The following MARCHF3 variants were observed in gnomAD, a reference collection of about 807,000 sequenced individuals.
MARCHF3 encodes membrane associated ring-CH-type finger 3, also known as E3 ubiquitin-protein ligase MARCHF3.
A neutral mutation model predicts 24.2 loss-of-function variants in MARCHF3; 13 were observed. The observed-to-expected ratio is 0.54, with a 90% CI of 0.35 to 0.85. The LOEUF (loss-of-function observed/expected upper bound fraction) is 0.85. Among genes scored for constraint, MARCHF3 ranks in the 40% least tolerant of loss-of-function variants. MARCHF3 has a pLI of 0.01. For synonymous variants in MARCHF3, 144 were observed against 137.3 expected (o/e 1.05, Z -0.34); for missense variants, 276 against 325.0 (o/e 0.85, Z 1.16).
chr5:126,956,705 C>T (rs1321474508), intron 1 of MARCHF3, among the ~76,000 whole-genome samples: 1 of 93,334 alleles, frequency 1.1e-5, no homozygotes, highest in African/African-American at 4.1e-5. Flanking sequence ...AAAAAACAAA[C>T]AATAACAAAA....
chr5:126,869,185 C>T lies in MARCHF3; in HGVS notation c.*1448G>A, dbSNP rs1752875052. The stretch of plus-strand genomic sequence containing the variant: ...CCTCCTCGCTGCCTGTTCCTTTGCA[C>T]TTCTCGTTTTCCCACTTGGAACACA... On this transcript the variant is annotated 3_prime_UTR_variant, in exon 5 of 5. Coordinates refer to ENST00000308660, the MANE Select transcript of MARCHF3 (RefSeq NM_178450.5). The T allele has an allele frequency of 6.6e-6, 1 of 152,222 alleles. No individual in the cohort carries two copies. Among genetic ancestry groups the T allele is most frequent in the African/African-American group, 2.4e-5 (1 of 41,446 alleles). 9.4% of individuals were successfully genotyped at this position (152,222 alleles called of 1,614,324 possible).
At chr5:126,909,495 G>A (rs1169200463) in intron 3 of MARCHF3, among the ~76,000 whole-genome samples, 4 of 152,242 alleles carry the variant, frequency 2.6e-5, no homozygotes, top group Non-Finnish European at 4.4e-5. Context: ...AGGACCCTCC[G>A]AGCCACGCAC....
intron 1 of MARCHF3, among the ~76,000 whole-genome samples, chr5:126,997,969 T>C (rs931048363): frequency 1.3e-5 from 2 of 152,112 alleles, no homozygotes; most frequent in South Asian, 2.1e-4. Context: ...CAGAAGTCCA[T>C]TGGAGGCTAT....
chr5:126,991,018 TAGCATTCGACCC>T (rs1751740426), intron 1 of MARCHF3, among the ~76,000 whole-genome samples: 1 of 152,172 alleles, frequency 6.6e-6, no homozygotes, highest in African/African-American at 2.4e-5. Context: ...GAACTAGAAA[TAGCATTCGACCC>T]AGCCATCCCA....
intron 3 of MARCHF3, among the ~76,000 whole-genome samples, chr5:126,882,645 G>A (rs1337745087): frequency 1.3e-5 from 2 of 152,154 alleles, no homozygotes; most frequent in East Asian, 3.8e-4. Flanking sequence ...GCAGAAGGCA[G>A]GCTTGTTTGT....
At chr5:126,906,805 GTC>G (rs1454410043) in intron 3 of MARCHF3, among the ~76,000 whole-genome samples, 1 of 151,962 alleles carries the variant, frequency 6.6e-6, no homozygotes, top group Non-Finnish European at 1.5e-5. Flanking sequence ...GGTTTTTTGT[GTC>G]TCTATTTCCT....
intron 3 of MARCHF3, among the ~76,000 whole-genome samples, chr5:126,901,763 C>T (rs1160945285): frequency 2.0e-5 from 3 of 152,192 alleles, no homozygotes; most frequent in East Asian, 3.9e-4. Flanking sequence ...TGTCTCCCTT[C>T]AGCTCAACCA....
intron 3 of MARCHF3, among the ~76,000 whole-genome samples, chr5:126,902,568 CA>C (rs1360104877): frequency 1.3e-5 from 2 of 152,092 alleles, no homozygotes; most frequent in African/African-American, 4.8e-5. Context: ...AATCCTTTAC[CA>C]GCAGTGGATG....
In MARCHF3 at chr5:126,985,398, T is replaced by C. The variant is rs948713368; in HGVS notation, c.-57+44952A>G. Among the ~76,000 whole-genome samples the C allele has an allele frequency of 2.6e-5, 4 of 151,928 alleles. No homozygotes were observed. The East Asian group carries it at 7.7e-4, about 29-fold the overall frequency. On this transcript the variant is annotated intron_variant, in intron 1 of 4. Transcript: ENST00000308660. Reference sequence around the variant, plus strand: ...TTCTGTGTGCTCTTAGTGAATCATATGATGGGTTTAATTTGATGTGTTTGT... The same window carrying C: ...TTCTGTGTGCTCTTAGTGAATCATACGATGGGTTTAATTTGATGTGTTTGT...
intron 3 of MARCHF3, among the ~76,000 whole-genome samples, chr5:126,893,552 G>A (rs1037710162): frequency 6.6e-6 from 1 of 151,894 alleles, no homozygotes; most frequent in Non-Finnish European, 1.5e-5. Flanking sequence ...TATGTATCCA[G>A]TAGTCATTCA....
chr5:126,872,140 C>T (rs112602625), intron 4 of MARCHF3, among the ~76,000 whole-genome samples: 7,447 of 132,452 alleles, frequency 0.056, 325 homozygotes, highest in African/African-American at 0.14. Flanking sequence ...AGTGCAATGG[C>T]GCGATCTCGG....
chr5:126,950,655 ACT>A (rs969820323), intron 1 of MARCHF3, among the ~76,000 whole-genome samples: 1 of 151,996 alleles, frequency 6.6e-6, no homozygotes, highest in African/African-American at 2.4e-5. Flanking sequence ...AACTCTGGTA[ACT>A]CTGCCTCTCT....
chr5:126,941,758 A>G (rs1749837494), intron 1 of MARCHF3, among the ~76,000 whole-genome samples: 1 of 152,268 alleles, frequency 6.6e-6, no homozygotes, highest in Non-Finnish European at 1.5e-5. Context: ...AGCTGCCAGC[A>G]GGTACCCTGA....
chr5:127,027,967 T>C (rs1753057712), intron 1 of MARCHF3, among the ~76,000 whole-genome samples: 1 of 152,216 alleles, frequency 6.6e-6, no homozygotes, highest in Non-Finnish European at 1.5e-5. Flanking sequence ...AAGAACTGAA[T>C]TTCTAAGAAA....
intron 1 of MARCHF3, among the ~76,000 whole-genome samples, chr5:126,930,837 GTCTT>G (rs1749459727): frequency 6.6e-6 from 1 of 152,182 alleles, no homozygotes; most frequent in South Asian, 2.1e-4. Flanking sequence ...GCAATCCAGG[GTCTT>G]TCTTTTTTGT....
chr5:126,893,963 T>C lies in MARCHF3; in HGVS notation c.394-15569A>G, dbSNP rs1753783312. Among the ~76,000 whole-genome samples, 6 of 115,922 alleles carry C rather than the reference T, an allele frequency of 5.2e-5. No homozygotes were observed. The Admixed American group carries it at 5.6e-4, about 11-fold the overall frequency. The allele number at this position is 115,922 out of a possible 152,430, so 76.0% of individuals were successfully genotyped here. On this transcript the variant is annotated intron_variant, in intron 3 of 4. Transcript: ENST00000308660. ...GGTCACTCAGGACTTGCTTTATGAATCTGGGTGCTCCTGTATTGGGTGCAT... is the reference window on the plus strand; with the variant it reads ...GGTCACTCAGGACTTGCTTTATGAACCTGGGTGCTCCTGTATTGGGTGCAT...
chr5:126,911,794 G>A (rs1754541232), intron 3 of MARCHF3, among the ~76,000 whole-genome samples: 1 of 152,216 alleles, frequency 6.6e-6, no homozygotes, highest in African/African-American at 2.4e-5. Flanking sequence ...AGGTAGGCAA[G>A]GTAGGTAAAG....
chr5:127,002,691 C>T (rs1752167599), intron 1 of MARCHF3, among the ~76,000 whole-genome samples: 1 of 152,220 alleles, frequency 6.6e-6, no homozygotes, highest in Non-Finnish European at 1.5e-5. Context: ...TTTCCAGAGC[C>T]TGGACAACTT....
intron 3 of MARCHF3, among the ~76,000 whole-genome samples, chr5:126,887,554 C>T (rs1418457195): frequency 6.6e-6 from 1 of 152,116 alleles, no homozygotes; most frequent in African/African-American, 2.4e-5. Context: ...CCTTTGCATT[C>T]CTGTGTATTT....
Sources: allele counts gnomAD v4.1 joint callset (sites outside exome capture counted in the v4.1 genomes callset), GRCh38; gene constraint gnomAD v4.1.1; transcripts MANE v1.5; gene names NCBI Gene and HGNC (gene_info 2026-07-23, HGNC 2026-07-21).